Variants in ACTR3C observed in about 807,000 individuals in gnomAD.
ACTR3C encodes the protein actin-related protein 3C.
Under a neutral mutation model 26.3 loss-of-function variants are expected in ACTR3C, and 18 were observed. That is an observed-to-expected ratio of 0.68 (90% CI 0.47 to 1.01). ACTR3C has a LOEUF of 1.01. ACTR3C is among the 50% of genes least tolerant of loss of function. The pLI is 0.00. For synonymous variants in ACTR3C, 55 were observed against 94.5 expected, an observed-to-expected ratio of 0.58 and a Z score of 2.42; for missense variants, 184 against 250.7, an observed-to-expected ratio of 0.73 and a Z score of 1.80.
At chr7:150,207,621 A>G in the ACTR3C span, among the ~76,000 whole-genome samples, 1 of 149,862 alleles carries the variant, frequency 6.7e-6, no homozygotes, top group Non-Finnish European at 1.5e-5. Context: ...AGTCAAAAAA[A>G]AGGGGAGATA....
the ACTR3C span, among the ~76,000 whole-genome samples, chr7:149,942,472 A>G: frequency 6.6e-6 from 1 of 152,200 alleles, no homozygotes; most frequent in African/African-American, 2.4e-5. Context: ...TTTGCTTTGT[A>G]GAAGATCTGA....
At chr7:150,185,276 CGTGT>C in the ACTR3C span, among the ~76,000 whole-genome samples, 6,421 of 140,436 alleles carry the variant, frequency 0.046, 30 homozygotes, top group African/African-American at 0.059. Context: ...AAATGTCAGG[CGTGT>C]GTGTGTGTGT....
intron 6 of ACTR3C, among the ~76,000 whole-genome samples, chr7:150,279,027 C>A (rs567836493): frequency 6.6e-6 from 1 of 152,222 alleles, no homozygotes; most frequent in South Asian, 2.1e-4. Context: ...AAAATAGAGC[C>A]GGCGCAGTGG....
the ACTR3C span, among the ~76,000 whole-genome samples, chr7:149,904,075 A>G: frequency 7.7e-6 from 1 of 129,668 alleles, no homozygotes; most frequent in South Asian, 3.4e-4. Context: ...GTGAGCCACC[A>G]CATCCGGCTA....
the ACTR3C span, among the ~76,000 whole-genome samples, chr7:150,097,827 GT>G: frequency 1.3e-5 from 2 of 151,526 alleles, no homozygotes; most frequent in East Asian, 3.9e-4. Context: ...TAGAAAGTGT[GT>G]TACCAACTCT....
chr7:150,192,983 G>A, the ACTR3C span, among the ~76,000 whole-genome samples: 3 of 152,140 alleles, frequency 2.0e-5, no homozygotes, highest in African/African-American at 4.8e-5. Context: ...TGTACCTTCC[G>A]GTGAAAAGGA....
the ACTR3C span, among the ~76,000 whole-genome samples, chr7:149,949,676 G>A: frequency 6.8e-6 from 1 of 147,008 alleles, no homozygotes; most frequent in African/African-American, 2.7e-5. Context: ...ACTTTTGCCT[G>A]GGACCCCAGG....
the ACTR3C span, among the ~76,000 whole-genome samples, chr7:150,154,350 T>C: frequency 6.6e-6 from 1 of 152,184 alleles, no homozygotes; most frequent in Non-Finnish European, 1.5e-5. Context: ...TTTTTTTAAA[T>C]AAATCTTTGT....
At chr7:150,133,618 T>C in the ACTR3C span, among the ~76,000 whole-genome samples, 1 of 152,178 alleles carries the variant, frequency 6.6e-6, no homozygotes, top group Non-Finnish European at 1.5e-5. Context: ...CAGCACAGGA[T>C]GGGCAGTGTC....
At chr7:150,007,571 G>A in the ACTR3C span, among the ~76,000 whole-genome samples, 2 of 152,268 alleles carry the variant, frequency 1.3e-5, no homozygotes, top group Admixed American at 6.5e-5. Flanking sequence ...GATTAAAGTT[G>A]ATACCTCAGA....
chr7:149,929,144 T>C, the ACTR3C span, among the ~76,000 whole-genome samples: 12 of 152,286 alleles, frequency 7.9e-5, no homozygotes, highest in Admixed American at 5.2e-4. Context: ...GAATCACCAA[T>C]GGACCAGGCA....
chr7:150,180,528 TC>T, the ACTR3C span, among the ~76,000 whole-genome samples: 3 of 145,318 alleles, frequency 2.1e-5, no homozygotes, highest in Non-Finnish European at 4.5e-5. Context: ...TTTTTTTTTT[TC>T]TGAGAGGGAG....
At chr7:150,125,107 C>G in the ACTR3C span, among the ~76,000 whole-genome samples, 1 of 152,126 alleles carries the variant, frequency 6.6e-6, no homozygotes, top group African/African-American at 2.4e-5. Context: ...GTAAAGAAAA[C>G]TGTTATCTTG....
At chr7:149,940,820 T>G in the ACTR3C span, among the ~76,000 whole-genome samples, 1 of 146,224 alleles carries the variant, frequency 6.8e-6, no homozygotes, top group African/African-American at 2.5e-5. Context: ...ATGGGGCGGG[T>G]GGGTAGAGGG....
At chr7:150,264,603 T>C (rs1459708801) in intron 6 of ACTR3C, 5 of 975,510 alleles carry the variant, frequency 5.1e-6, no homozygotes, top group Non-Finnish European at 6.1e-6. Flanking sequence ...TATAAATGTA[T>C]ATTAAAACTT....
chr7:149,970,174 T>G, the ACTR3C span, among the ~76,000 whole-genome samples: 3 of 151,960 alleles, frequency 2.0e-5, no homozygotes, highest in Non-Finnish European at 4.4e-5. Flanking sequence ...CTGCAAACTG[T>G]TTAGACAGGT....
At chr7:150,198,756 G>T in the ACTR3C span, among the ~76,000 whole-genome samples, 5 of 146,150 alleles carry the variant, frequency 3.4e-5, no homozygotes, top group Non-Finnish European at 7.5e-5. Flanking sequence ...GGGAGGTGGG[G>T]GGGGGTCAGC....
At chr7:150,161,226 T>TATATATATATATA in the ACTR3C span, among the ~76,000 whole-genome samples, 2 of 78,880 alleles carry the variant, frequency 2.5e-5, no homozygotes, top group African/African-American at 6.9e-5. Context: ...ATATATATAT[T>TATATATATATATA]TATTATACTT....
At chr7:150,004,255 T>C in the ACTR3C span, among the ~76,000 whole-genome samples, 1 of 139,754 alleles carries the variant, frequency 7.2e-6, no homozygotes, top group Non-Finnish European at 1.6e-5. Context: ...ATGTGATATG[T>C]GTGTGTGGTG....
Sources: allele counts gnomAD v4.1 joint callset (sites outside exome capture counted in the v4.1 genomes callset), GRCh38; gene constraint gnomAD v4.1.1; transcripts MANE v1.5; gene names NCBI Gene and HGNC (gene_info 2026-07-23, HGNC 2026-07-21).